Variants in SAMD3 observed in about 807,000 individuals in gnomAD.
The protein encoded by SAMD3 is sterile alpha motif domain containing 3.
A neutral mutation model predicts 58.5 loss-of-function variants in SAMD3; 63 were observed. That is an observed-to-expected ratio of 1.08 (90% CI 0.88 to 1.33). The LOEUF is 1.33. SAMD3 is among the 40% of genes most tolerant of loss of function. The pLI, the probability that SAMD3 is intolerant of heterozygous loss-of-function variation, is 0.00. For missense variants in SAMD3, 604 were observed against 608.4 expected (o/e 0.99, Z 0.08); for synonymous variants, 220 against 210.3 (o/e 1.05, Z -0.40).
At chr6:130,355,420 T>C (rs1482557371) in intron 1 of SAMD3, among the ~76,000 whole-genome samples, 1 of 151,980 alleles carries the variant, frequency 6.6e-6, no homozygotes, top group Non-Finnish European at 1.5e-5. Flanking sequence ...TGAGACTCTG[T>C]CTCAAAAAAA....
intron 2 of SAMD3, among the ~76,000 whole-genome samples, chr6:130,300,780 C>T (rs1363514054): frequency 6.6e-6 from 1 of 152,122 alleles, no homozygotes; most frequent in Non-Finnish European, 1.5e-5. Context: ...TTCAGCAAAA[C>T]TTCAGGATAC....
rs962255295 is a variant in SAMD3, at chr6:130,155,532, C to G, written c.823-507G>C. ...TAAACTAATAATTTTATTCACTATA[C>G]AACTGGGTACGTTGGGCGGAGTGGG... On this transcript the variant is annotated intron_variant, in intron 8 of 11. Transcript: ENST00000439090. Among the ~76,000 whole-genome samples, 5 of 152,254 alleles carry G rather than the reference C, an allele frequency of 3.3e-5. No homozygotes were observed. In the East Asian group the frequency reaches 9.7e-4, roughly 29 times the overall value.
At chr6:130,272,382 T>C (rs1774596321) in intron 2 of SAMD3, among the ~76,000 whole-genome samples, 1 of 152,202 alleles carries the variant, frequency 6.6e-6, no homozygotes, top group Admixed American at 6.5e-5. Context: ...TGGGATCAGA[T>C]TGGGACAGTC....
intron 5 of SAMD3, among the ~76,000 whole-genome samples, chr6:130,201,665 C>G (rs1260587834): frequency 1.3e-5 from 2 of 152,200 alleles, no homozygotes; most frequent in Non-Finnish European, 2.9e-5. Flanking sequence ...GCAACTCCAT[C>G]TTCTCTGCCT....
intron 2 of SAMD3, among the ~76,000 whole-genome samples, chr6:130,237,535 A>AT (rs970893817): frequency 5.2e-4 from 78 of 149,814 alleles, no homozygotes; most frequent in Non-Finnish European, 7.6e-4. Context: ...TAAGGGTCAG[A>AT]TTTTTTTTTT....
chr6:130,340,831 C>T lies in SAMD3; in HGVS notation c.-304+24289G>A, dbSNP rs377372355. Among the ~76,000 whole-genome samples, 63 of 152,318 alleles carry T rather than the reference C, an allele frequency of 4.1e-4. 3 individuals carry two copies. The East Asian group carries it at 0.01, about 25-fold the overall frequency. On this transcript the variant is annotated intron_variant, in intron 1 of 13. Transcript: ENST00000368134. ...ATTTCCTGCTATTGTAACCAGTCAT[C>T]TGGTTTCCTTTATGATGAATTTGAA...
In SAMD3 at chr6:130,215,115, A is replaced by G. The variant is rs577157002; in HGVS notation, c.79+80T>C. ...GACATGCACACAGACATTTGGCAAC[A>G]AAAGTAATTTTCAGTAACAGAGGAC... On this transcript the variant is annotated intron_variant, in intron 3 of 11. Transcript: ENST00000439090. 1.0e-4 allele frequency: 76 copies of G among 756,634 alleles called. No homozygotes were observed. In the African/African-American group the frequency reaches 1.2e-3, roughly 12 times the overall value. The allele number at this position is 756,634 out of a possible 1,614,324, so 46.9% of individuals were successfully genotyped here.
chr6:130,314,079 GCTGCTTAT>G (rs1776276989), intron 1 of SAMD3, among the ~76,000 whole-genome samples: 1 of 152,176 alleles, frequency 6.6e-6, no homozygotes, highest in Non-Finnish European at 1.5e-5. Flanking sequence ...AGAATTTCCA[GCTGCTTAT>G]CTGAAACTAG....
chr6:130,192,122 T>C (rs183642884), intron 5 of SAMD3, among the ~76,000 whole-genome samples: 1 of 152,330 alleles, frequency 6.6e-6, no homozygotes, highest in Non-Finnish European at 1.5e-5. Context: ...CTCAACTACA[T>C]CTAGTCTCCT....
chr6:130,288,259 T>G (rs1216266372), intron 2 of SAMD3, among the ~76,000 whole-genome samples: 1 of 152,144 alleles, frequency 6.6e-6, no homozygotes, highest in African/African-American at 2.4e-5. Context: ...CTGAAATTCG[T>G]AGGGCAGGAT....
At chr6:130,269,729 A>G (rs1774492369) in intron 2 of SAMD3, among the ~76,000 whole-genome samples, 1 of 150,942 alleles carries the variant, frequency 6.6e-6, no homozygotes, top group Non-Finnish European at 1.5e-5. Flanking sequence ...TGTTCTTAAC[A>G]CTATTATATC....
intron 2 of SAMD3, among the ~76,000 whole-genome samples, chr6:130,250,314 C>T (rs551748362): frequency 5.9e-5 from 9 of 152,116 alleles, no homozygotes; most frequent in Non-Finnish European, 1.3e-4. Flanking sequence ...GTCTACCAGG[C>T]GCCCTTATTC....
At chr6:130,228,334 G>A (rs889238553) in intron 2 of SAMD3, among the ~76,000 whole-genome samples, 5 of 152,116 alleles carry the variant, frequency 3.3e-5, no homozygotes, top group East Asian at 3.8e-4. Context: ...TGTTTAACCC[G>A]TTGTGCATTA....
At chr6:130,233,688 T>C (rs970105308) in intron 2 of SAMD3, among the ~76,000 whole-genome samples, 4 of 152,170 alleles carry the variant, frequency 2.6e-5, no homozygotes, top group African/African-American at 9.7e-5. Flanking sequence ...AACCCTGAAA[T>C]AGAACCACTT....
chr6:130,317,718 A>C (rs1298971075), intron 1 of SAMD3, among the ~76,000 whole-genome samples: 1 of 152,196 alleles, frequency 6.6e-6, no homozygotes, highest in East Asian at 1.9e-4. Context: ...CAACTGGAAA[A>C]CTGGAAAAAA....
intron 8 of SAMD3, among the ~76,000 whole-genome samples, chr6:130,157,085 AAAT>A (rs913523902): frequency 1.6e-5 from 2 of 123,126 alleles, no homozygotes; most frequent in Non-Finnish European, 3.2e-5. Flanking sequence ...ATAAATAAAT[AAAT>A]AAATAAATAA....
At chr6:130,193,815 C>T (rs191050982) in intron 5 of SAMD3, among the ~76,000 whole-genome samples, 21 of 152,274 alleles carry the variant, frequency 1.4e-4, no homozygotes, top group South Asian at 2.1e-4. Flanking sequence ...AATAGGCAAA[C>T]GGTCTGAGGT....
At position 130,294,681 on chromosome 6, in the gene SAMD3, C is replaced by T. The variant is rs1205854209; in HGVS notation, c.-188+18297G>A. On this transcript the variant is annotated intron_variant, in intron 2 of 13. Coordinates refer to the SAMD3 transcript ENST00000368134. The stretch of plus-strand genomic sequence containing the variant: ...GAATGACCTCAAAATTATATAACTC[C>T]CTGCTTTTTGGTTGTGTAAAAATTT... Among the ~76,000 whole-genome samples, 3 of 150,496 alleles carry T rather than the reference C, an allele frequency of 2.0e-5. No homozygotes were observed. The East Asian group carries it at 5.8e-4, about 29-fold the overall frequency.
chr6:130,250,428 G>A (rs982708991), intron 2 of SAMD3, among the ~76,000 whole-genome samples: 13 of 151,982 alleles, frequency 8.6e-5, no homozygotes, highest in African/African-American at 3.1e-4. Flanking sequence ...TATGTTTATT[G>A]GAATAGATTT....
Sources: allele counts gnomAD v4.1 joint callset (sites outside exome capture counted in the v4.1 genomes callset), GRCh38; gene constraint gnomAD v4.1.1; transcripts MANE v1.5; gene names NCBI Gene and HGNC (gene_info 2026-07-23, HGNC 2026-07-21).